TP53INP1: variants seen among roughly 807,000 people sequenced by gnomAD.
TP53INP1 encodes tumor protein p53 inducible nuclear protein 1, also known as tumor protein p53-inducible nuclear protein 1.
TP53INP1 carries 12 observed loss-of-function variants against 21.0 expected under a neutral mutation model. That is an observed-to-expected ratio of 0.57 (90% CI 0.37 to 0.93). The LOEUF (loss-of-function observed/expected upper bound fraction) is 0.93, where lower values mean the gene tolerates loss of function less well. Among genes scored for constraint, TP53INP1 ranks in the 40% least tolerant of loss-of-function variants. TP53INP1 has a pLI of 0.01. For synonymous variants in TP53INP1, 91 were observed against 94.8 expected (o/e 0.96, Z 0.23); for missense variants, 274 against 294.7 (o/e 0.93, Z 0.51).
intron 3 of TP53INP1, among the ~76,000 whole-genome samples, chr8:94,939,478 C>T (rs1280980585): frequency 1.3e-5 from 2 of 152,218 alleles, no homozygotes; most frequent in African/African-American, 4.8e-5. Context: ...CTCAATGCAA[C>T]CTCTGCCTCC....
In TP53INP1 at chr8:94,929,789, C is replaced by CT. The variant is rs1443294873; in HGVS notation, c.*689dup. The CT allele has an allele frequency of 6.6e-6, 1 of 152,230 alleles. No homozygotes were observed. Among genetic ancestry groups the CT allele is most frequent in the African/African-American group, 2.4e-5 (1 of 41,438 alleles). The allele number at this position is 152,230 out of a possible 1,614,324, so 9.4% of individuals were successfully genotyped here. A position where few individuals can be genotyped will look rare whatever the true frequency, so the allele number is the denominator to read the frequency against. Reference sequence around the variant, plus strand: ...ATCCCTCTGCACGAGACAAGTGCCTCTGTCTACAACACCTGTAATGTCTGT... The same window carrying CT: ...ATCCCTCTGCACGAGACAAGTGCCTCTTGTCTACAACACCTGTAATGTCTGT... On this transcript the variant is annotated 3_prime_UTR_variant, in exon 4 of 4. Coordinates refer to ENST00000342697, the MANE Select transcript of TP53INP1 (RefSeq NM_033285.4).
intron 3 of TP53INP1, among the ~76,000 whole-genome samples, chr8:94,936,834 G>A (rs745616117): frequency 1.3e-5 from 2 of 152,146 alleles, no homozygotes; most frequent in African/African-American, 2.4e-5. Flanking sequence ...AGTGGTACAG[G>A]CAGTGCAGAG....
rs1191644253 is a variant in TP53INP1, at chr8:94,927,657, AAAAT to A, written c.*2818_*2821del. On this transcript the variant is annotated 3_prime_UTR_variant, in exon 4 of 4. Transcript: ENST00000342697. ...TGCAGTACACAATTAGTTGAGAAAA[AAAAT>A]AAACATAAGATATATATTATAAAAT... The A allele has an allele frequency of 6.6e-6, 1 of 152,202 alleles. No individual in the cohort carries two copies. Among genetic ancestry groups the A allele is most frequent in the Admixed American group, 6.5e-5 (1 of 15,286 alleles). The allele number at this position is 152,202 out of a possible 1,614,324, so 9.4% of individuals were successfully genotyped here.
chr8:94,940,168 A>C lies in TP53INP1; in HGVS notation c.165T>G (p.Ser55Arg), dbSNP rs769341439. ...AEEEEEEEDISEESPTEHPSV... is the reference protein window; with the variant it reads ...AEEEEEEEDIREESPTEHPSV... The stretch of plus-strand genomic sequence containing the variant: ...AAGGGTGCTCAGTAGGTGACTCTTC[A>C]CTGATGTCCTCCTCTTCTTCTTCTT... Residue 55 changes from serine to arginine, a missense_variant, in exon 3 of 4, where the codon AGT becomes AGG. Coordinates refer to ENST00000342697, the MANE Select transcript of TP53INP1 (RefSeq NM_033285.4). 6.2e-7 allele frequency: 1 copy of C among 1,614,060 alleles called. No individual in the cohort carries two copies. Among genetic ancestry groups the C allele is most frequent in the East Asian group, 2.2e-5 (1 of 44,890 alleles).
intron 1 of TP53INP1, among the ~76,000 whole-genome samples, chr8:94,946,806 T>A (rs1225114102): frequency 1.3e-5 from 2 of 151,960 alleles, no homozygotes; most frequent in African/African-American, 4.8e-5. Context: ...GGTGTCTCTG[T>A]TTTCTCATCC....
In TP53INP1 at chr8:94,929,591, A is replaced by G. The variant is rs1307489124; in HGVS notation, c.*888T>C. On this transcript the variant is annotated 3_prime_UTR_variant, in exon 4 of 4. Coordinates refer to ENST00000342697, the MANE Select transcript of TP53INP1 (RefSeq NM_033285.4). ...AGCCTATCTCTTTTCCCATGGGCAG[A>G]GAGAAATATGAAGTCACTTGAGTGC... 2.6e-5 allele frequency: 4 copies of G among 152,206 alleles called. No individual in the cohort carries two copies. Among genetic ancestry groups the G allele is most frequent in the Non-Finnish European group, 4.4e-5 (3 of 68,038 alleles). The allele number at this position is 152,206 out of a possible 1,614,324, so 9.4% of individuals were successfully genotyped here.
In TP53INP1 at chr8:94,930,532, T is replaced by C. The variant is rs774428478; in HGVS notation, c.670A>G (p.Lys224Glu). The C allele has an allele frequency of 5.6e-6, 9 of 1,614,244 alleles. No individual in the cohort carries two copies. Among genetic ancestry groups the C allele is most frequent in the Non-Finnish European group, 7.6e-6 (9 of 1,180,044 alleles). ...LTRDCHPRQV[K>E]HNGWVVHQPC... ...TGATGAACAACCCAGCCATTGTGCT[T>C]GACTTGCCGAGGGTGGCAATCCCTG... The change falls in exon 4 of 4, where the codon AAG (lysine) becomes GAG (glutamate). Residue 224 changes from lysine (K) to glutamate (E), a missense_variant. By Grantham distance (56) the Lys-to-Glu change is moderately conservative. Transcript: ENST00000342697.
At chr8:94,940,706 C>G (rs1008635321) in intron 2 of TP53INP1, 124 bp downstream of exon 2, 1 of 675,126 alleles carries the variant, frequency 1.5e-6, no homozygotes, top group Non-Finnish European at 2.5e-6. Flanking sequence ...TTTTTAAAGA[C>G]AAACTCCTGC....
rs989578860 is a variant in TP53INP1 at position 94,937,454 on chromosome 8, A to C, written c.473+2406T>G. The stretch of plus-strand genomic sequence containing the variant: ...AGACTCCATCTCAAAAAAAAAAAAA[A>C]ACCCAAAAACAAAATGGGGGGATAA... On this transcript the variant is annotated intron_variant, in intron 3 of 3. Coordinates refer to ENST00000342697, the MANE Select transcript of TP53INP1 (RefSeq NM_033285.4). Among the ~76,000 whole-genome samples, 10 of 151,854 alleles carry C rather than the reference A, an allele frequency of 6.6e-5. 1 individual carries two copies. Among genetic ancestry groups the C allele is most frequent in the African/African-American group, 2.2e-4 (9 of 41,288 alleles).
intron 2 of TP53INP1, 80 bp downstream of exon 2, chr8:94,940,750 G>C (rs1821451490): frequency 2.6e-5 from 28 of 1,063,822 alleles, no homozygotes; most frequent in Non-Finnish European, 3.9e-5. Flanking sequence ...TCAGTTATTG[G>C]TTTCCTTATG....
chr8:94,941,028 CAGG>C lies in TP53INP1; in HGVS notation c.-90_-88del, dbSNP rs1586738120. 6.2e-6 allele frequency: 6 copies of C among 964,732 alleles called. No individual in the cohort carries two copies. Among genetic ancestry groups the C allele is most frequent in the East Asian group, 2.4e-5 (1 of 41,082 alleles). 59.8% of individuals were successfully genotyped at this position (964,732 alleles called of 1,614,324 possible). ...TCTTTAGTTGGCCCAATGGTACCGA[CAGG>C]AGATTAAAGTGCACAGGGTGCTTAT... is the stretch of plus-strand genomic sequence containing the variant. On this transcript the variant is annotated 5_prime_UTR_variant, in exon 2 of 4. Transcript: ENST00000342697.
chr8:94,941,116 T>A (rs1821486876), intron 1 of TP53INP1, 25 bp from the exon 2 acceptor site: 1 of 586,898 alleles, frequency 1.7e-6, no homozygotes, highest in Non-Finnish European at 3.0e-6. Flanking sequence ...AAAAAGGAAG[T>A]TATTTCAAAT....
At chr8:94,948,515 GGGACAGGCCGC>G (rs1298841765) in intron 1 of TP53INP1, among the ~76,000 whole-genome samples, 2 of 152,226 alleles carry the variant, frequency 1.3e-5, no homozygotes, top group Non-Finnish European at 2.9e-5. Context: ...GGTCAAGCAA[GGGACAGGCCGC>G]GGACAGGCGG....
rs1820232719 is a variant in TP53INP1, at chr8:94,929,963, A to G, written c.*516T>C. On this transcript the variant is annotated 3_prime_UTR_variant, in exon 4 of 4. Transcript: ENST00000342697. ...TTTTCTTTCAAAAGAAAGTCCAGCCATAATTCCATTATATCCATGGCAACT... is the reference window on the plus strand; with the variant it reads ...TTTTCTTTCAAAAGAAAGTCCAGCCGTAATTCCATTATATCCATGGCAACT... 6.5e-6 allele frequency: 1 copy of G among 153,332 alleles called. No individual in the cohort carries two copies. The highest frequency in any genetic ancestry group is 1.5e-5 in the Non-Finnish European group (1 of 68,628). 9.5% of individuals were successfully genotyped at this position (153,332 alleles called of 1,614,324 possible). A position where few individuals can be genotyped will look rare whatever the true frequency, so the allele number is the denominator to read the frequency against.
rs1303293905 is a variant in TP53INP1 at position 94,930,088 on chromosome 8, A to T, written c.*391T>A. The T allele has an allele frequency of 5.3e-6, 1 of 188,378 alleles. No individual in the cohort carries two copies. The highest frequency in any genetic ancestry group is 2.4e-5 in the African/African-American group (1 of 42,022). 11.7% of individuals were successfully genotyped at this position (188,378 alleles called of 1,614,324 possible). ...ATAAAGTGTACAGCTGACCCTGAGA[A>T]TAAATTTTTGCTTGCTTAAAAGATT... On this transcript the variant is annotated 3_prime_UTR_variant, in exon 4 of 4. Transcript: ENST00000342697.
At position 94,946,696 on chromosome 8, in the gene TP53INP1, C is replaced by CAAAAAAAAAAAAAAAAAAAA. The variant is rs71273438; in HGVS notation, c.-151+2438_-151+2457dup. On this transcript the variant is annotated intron_variant, in intron 1 of 3. Coordinates refer to ENST00000342697, the MANE Select transcript of TP53INP1 (RefSeq NM_033285.4). Reference sequence around the variant, plus strand: ...TGGTCAACAGAGTAAGACCCTGTCTCAAAAAAAAAAAAAAAAAAAAAAAAG... The same window carrying CAAAAAAAAAAAAAAAAAAAA: ...TGGTCAACAGAGTAAGACCCTGTCTCAAAAAAAAAAAAAAAAAAAAAAAAAAAAAAAAAAAAAAAAAAAAG... Among the ~76,000 whole-genome samples, 17 of 34,692 alleles carry CAAAAAAAAAAAAAAAAAAAA rather than the reference C, an allele frequency of 4.9e-4. 2 individuals carry two copies. The highest frequency in any genetic ancestry group is 5.7e-4 in the African/African-American group (6 of 10,594). 22.8% of individuals were successfully genotyped at this position (34,692 alleles called of 152,430 possible).
At chr8:94,933,771 C>A (rs113212920) in intron 3 of TP53INP1, among the ~76,000 whole-genome samples, 2,576 of 143,328 alleles carry the variant, frequency 0.018, 85 homozygotes, top group African/African-American at 0.062. Context: ...TCAAAAAAAA[C>A]CCCCAAAAAA....
rs1820135805 is a variant in TP53INP1, at chr8:94,928,939, C to T, written c.*1540G>A. On this transcript the variant is annotated 3_prime_UTR_variant, in exon 4 of 4. Coordinates refer to ENST00000342697, the MANE Select transcript of TP53INP1 (RefSeq NM_033285.4). ...ACAAGCTGTTTGATTATGAAGGCAA[C>T]ACTTCTGTCAGTAGAATTGCTTTGG... The T allele has an allele frequency of 1.3e-5, 2 of 152,624 alleles. No homozygotes were observed. The highest frequency in any genetic ancestry group is 4.8e-5 in the African/African-American group (2 of 41,448). The allele number at this position is 152,624 out of a possible 1,614,324, so 9.5% of individuals were successfully genotyped here. A position where few individuals can be genotyped will look rare whatever the true frequency, so the allele number is the denominator to read the frequency against.
chr8:94,945,629 A>G (rs1821918820), intron 1 of TP53INP1: 1 of 152,220 alleles, frequency 6.6e-6, no homozygotes, highest in Non-Finnish European at 1.5e-5. Context: ...GGTAAATGGA[A>G]AAGTAGAGCT....
Sources: gnomAD v4.1 joint callset for allele counts (sites outside exome capture counted in the v4.1 genomes callset) on GRCh38, gnomAD v4.1.1 for gene constraint, MANE v1.5 for transcripts, NCBI Gene and HGNC (gene_info 2026-07-23, HGNC 2026-07-21) for gene names.